SRRM2: variants seen among roughly 807,000 people sequenced by gnomAD.
The protein encoded by SRRM2 is serine/arginine repetitive matrix 2.
In SRRM2, 30 loss-of-function variants were observed where a neutral mutation model predicts 213.8. That is an observed-to-expected ratio of 0.14 (90% CI 0.10 to 0.19). SRRM2 has a LOEUF of 0.19. SRRM2 is among the 10% of genes least tolerant of loss of function. SRRM2 has a pLI of 1.00. For missense variants in SRRM2, 4,904 were observed against 3,647.0 expected (o/e 1.34, Z -8.88); for synonymous variants, 2,025 against 1,377.7 (o/e 1.47, Z -10.40).
Position 2,768,219 on chromosome 16 carries a change from A to G in SRRM2, c.7691A>G (p.Glu2564Gly). 1.9e-6 allele frequency: 3 copies of G among 1,595,072 alleles called. No homozygotes were observed. Among genetic ancestry groups the G allele is most frequent in the Non-Finnish European group, 2.6e-6 (3 of 1,170,264 alleles). The change falls in exon 11 of 15, where the codon GAG (glutamate) becomes GGG (glycine). Residue 2564 changes from glutamate (E) to glycine (G), a missense_variant. Physicochemically the swap from Glu to Gly is moderately conservative, Grantham distance 98. Transcript: ENST00000301740. Reference protein sequence around the residue: ...SSSGSSSSDSEGSSLPVQPEV... With the variant: ...SSSGSSSSDSGGSSLPVQPEV... The stretch of plus-strand genomic sequence containing the variant: ...TCTGGCTCCAGTTCTAGTGACTCAG[A>G]GGGCTCTAGCCTTCCTGTGCAACCT...
Position 2,752,970 on chromosome 16 carries a change from C to T in SRRM2, c.-32+124C>T, listed in dbSNP as rs943866004. The stretch of plus-strand genomic sequence containing the variant: ...TCCGCGCGCACGCGCGCTCGACGCC[C>T]TTCGCTGGCGCGGACGCCCTCGCCT... On this transcript the variant is annotated intron_variant, in intron 1 of 14. Transcript: ENST00000301740. 3.7e-3 allele frequency: 575 copies of T among 153,688 alleles called. 3 individuals carry two copies. The highest frequency in any genetic ancestry group is 5.1e-3 in the Non-Finnish European group (354 of 69,208). 9.5% of individuals were successfully genotyped at this position (153,688 alleles called of 1,614,324 possible).
chr16:2,758,199 C>T (rs542216025), intron 4 of SRRM2, among the ~76,000 whole-genome samples: 1 of 152,120 alleles, frequency 6.6e-6, no homozygotes, highest in East Asian at 1.9e-4. Flanking sequence ...TGTAGTGAGA[C>T]CCCATCTCTA....
chr16:2,760,615 T>C lies in SRRM2; in HGVS notation c.1032+116T>C, dbSNP rs185035406. On this transcript the variant is annotated intron_variant, in intron 10 of 14. Coordinates refer to ENST00000301740, the MANE Select transcript of SRRM2 (RefSeq NM_016333.4). ...TAAAATAAATAAATTCAGTTTTTTT[T>C]CCTGCATTTCTCTCCTAGTTCTCTT... is the stretch of plus-strand genomic sequence containing the variant. 2.6e-4 allele frequency: 324 copies of C among 1,231,932 alleles called. 1 individual carries two copies. Among genetic ancestry groups the C allele is most frequent in the Admixed American group, 2.0e-3 (86 of 43,470 alleles). The allele number at this position is 1,231,932 out of a possible 1,614,324, so 76.3% of individuals were successfully genotyped here. A position where few individuals can be genotyped will look rare whatever the true frequency, so the allele number is the denominator to read the frequency against.
Position 2,758,755 on chromosome 16 carries a change from C to T in SRRM2, c.593+208C>T, listed in dbSNP as rs1258368323. On this transcript the variant is annotated intron_variant, in intron 5 of 14. Coordinates refer to ENST00000301740, the MANE Select transcript of SRRM2 (RefSeq NM_016333.4). ...TGCAGTTCTGCTAATTAAGATTGGC[C>T]AGCAGCATTTTGGATTCTGGAATTT... 4.4e-6 allele frequency: 3 copies of T among 674,494 alleles called. No individual in the cohort carries two copies. The African/African-American group carries it at 5.5e-5, about 12-fold the overall frequency. The allele number at this position is 674,494 out of a possible 1,614,324, so 41.8% of individuals were successfully genotyped here. A position where few individuals can be genotyped will look rare whatever the true frequency, so the allele number is the denominator to read the frequency against.
chr16:2,770,020 GC>G (rs1022430571), intron 12 of SRRM2: 21 of 669,026 alleles, frequency 3.1e-5, no homozygotes, highest in Non-Finnish European at 4.9e-5. Flanking sequence ...TCCCTGCCTT[GC>G]CCCATGTCCC....
chr16:2,768,846 C>G, intron 11 of SRRM2, 151 bp from the exon 12 acceptor site: 1 of 1,495,408 alleles, frequency 6.7e-7, no homozygotes, highest in Non-Finnish European at 9.0e-7. Context: ...CGCACCACTG[C>G]TCTCCAGAGA....
At chr16:2,759,070 T>C in intron 6 of SRRM2, 23 bp downstream of exon 6, 2 of 1,614,200 alleles carry the variant, frequency 1.2e-6, no homozygotes, top group Non-Finnish European at 1.7e-6. Flanking sequence ...AATACTTGAA[T>C]GACTGGAGAA....
intron 1 of SRRM2, among the ~76,000 whole-genome samples, chr16:2,754,968 A>G (rs964141721): frequency 6.6e-6 from 1 of 152,174 alleles, no homozygotes. Context: ...TTTTCCAAAC[A>G]TTTGTATGAT....
intron 5 of SRRM2, chr16:2,758,763 T>C: frequency 1.5e-6 from 1 of 676,678 alleles, no homozygotes. Context: ...GCCAGCAGCA[T>C]TTTGGATTCT....
rs752774749 is a variant in SRRM2, at chr16:2,763,365, C to T, written c.2837C>T (p.Thr946Ile). ...PSPSRVTSRT[T>I]PRRSRSVSPC... ...CCTAGTAGGGTGACGTCGAGAACAACTCCACGGCGAAGCAGATCAGTATCT... is the reference window on the plus strand; with the variant it reads ...CCTAGTAGGGTGACGTCGAGAACAATTCCACGGCGAAGCAGATCAGTATCT... Residue 946 changes from threonine to isoleucine, a missense_variant, in exon 11 of 15, where the codon ACT becomes ATT. By Grantham distance (89) the Thr-to-Ile change is moderately conservative. Coordinates refer to ENST00000301740, the MANE Select transcript of SRRM2 (RefSeq NM_016333.4). 5.0e-6 allele frequency: 8 copies of T among 1,614,080 alleles called. No homozygotes were observed. The highest frequency in any genetic ancestry group is 1.3e-5 in the African/African-American group (1 of 74,908).
In SRRM2 at chr16:2,766,162, C is replaced by G; in HGVS notation, c.5634C>G (p.Ser1878=). Residue 1878 remains serine (S), a synonymous_variant, in exon 11 of 15, where the codon TCC becomes TCG. Transcript: ENST00000301740. The surrounding 1 kb of genome is among the most constrained non-coding windows in gnomAD (Gnocchi z 7.0). ...ASPATHRRSR[S]RTPLISRRRS... is the part of the protein sequence containing the mutation. The stretch of plus-strand genomic sequence containing the variant: ...CAGCCACTCACCGGCGATCCAGGTC[C>G]AGAACCCCCCTGATAAGCCGACGTA... 6.2e-7 allele frequency: 1 copy of G among 1,614,164 alleles called. No individual in the cohort carries two copies. Among genetic ancestry groups the G allele is most frequent in the South Asian group, 1.1e-5 (1 of 91,080 alleles).
In SRRM2 at chr16:2,760,273, C is replaced by T. The variant is rs186318727; in HGVS notation, c.834-28C>T. ...CTCCCTTTGAGCTGATTTCCTTCCT[C>T]TCCCACGTCCTCAATTAACTCCTGC... is the stretch of plus-strand genomic sequence containing the variant. On this transcript the variant is annotated intron_variant, in intron 9 of 14. Coordinates refer to ENST00000301740, the MANE Select transcript of SRRM2 (RefSeq NM_016333.4). 8.7e-6 allele frequency: 14 copies of T among 1,604,154 alleles called. No homozygotes were observed. In the African/African-American group the frequency reaches 1.2e-4, roughly 14 times the overall value.
rs1336917688 is a variant in SRRM2, at chr16:2,768,119, C to T, written c.7591C>T (p.Arg2531Trp). 1.9e-6 allele frequency: 3 copies of T among 1,614,162 alleles called. No individual in the cohort carries two copies. Among genetic ancestry groups the T allele is most frequent in the Admixed American group, 1.7e-5 (1 of 60,008 alleles). ...CGCCCTGCAGCCAGCAAAGGAGCGGCGGAGTTCCTCCTCGTCGTCGTCGTC... is the reference window on the plus strand; with the variant it reads ...CGCCCTGCAGCCAGCAAAGGAGCGGTGGAGTTCCTCCTCGTCGTCGTCGTC... Reference protein sequence around the residue: ...LAALQPAKERRSSSSSSSSSS... With the variant: ...LAALQPAKERWSSSSSSSSSS... Residue 2531 changes from arginine (R) to tryptophan (W), a missense_variant, in exon 11 of 15, where the codon CGG becomes TGG. Physicochemically the swap from Arg to Trp is moderately radical, Grantham distance 101 (BLOSUM62 -3). Coordinates refer to ENST00000301740, the MANE Select transcript of SRRM2 (RefSeq NM_016333.4).
chr16:2,761,510 G>A (rs754843752), intron 10 of SRRM2, 51 bp from the exon 11 acceptor site: 9 of 1,422,576 alleles, frequency 6.3e-6, no homozygotes, highest in Non-Finnish European at 8.3e-6. Flanking sequence ...GGGGTGATGT[G>A]AAGTTTTGGC....
rs749745739 is a variant in SRRM2 at position 2,764,798 on chromosome 16, TCTC to T, written c.4273_4275del (p.Pro1425del). On this transcript the variant is annotated inframe_deletion, in exon 11 of 15. Transcript: ENST00000301740. ...GAGAGAAAGAAGTAGTTCTGCATCTTCTCCTGAAATGAAAGATGGTTTACCCAG... is the reference window on the plus strand; with the variant it reads ...GAGAGAAAGAAGTAGTTCTGCATCTTCTGAAATGAAAGATGGTTTACCCAG... 3.0e-5 allele frequency: 48 copies of T among 1,614,142 alleles called. No individual in the cohort carries two copies. Among genetic ancestry groups the T allele is most frequent in the South Asian group, 4.4e-5 (4 of 91,078 alleles).
At chr16:2,769,542 T>G in intron 12 of SRRM2, 2 of 640,782 alleles carry the variant, frequency 3.1e-6, no homozygotes, top group East Asian at 2.8e-5. Flanking sequence ...ACATAGCCTG[T>G]TCCCAGGGTT....
rs753128718 is a variant in SRRM2 at position 2,762,434 on chromosome 16, C to T, written c.1906C>T (p.Arg636Cys). The T allele has an allele frequency of 8.7e-6, 14 of 1,613,850 alleles. No homozygotes were observed. Among genetic ancestry groups the T allele is most frequent in the South Asian group, 3.3e-5 (3 of 91,068 alleles). ...RTRSPVRRRSRSRSPARRSGR... is the reference protein window; with the variant it reads ...RTRSPVRRRSCSRSPARRSGR... ...CCGATCACCAGTACGACGCAGGTCTCGTAGTAGATCACCAGCCAGGAGAAG... is the reference window on the plus strand; with the variant it reads ...CCGATCACCAGTACGACGCAGGTCTTGTAGTAGATCACCAGCCAGGAGAAG... Residue 636 changes from arginine (R) to cysteine (C), a missense_variant, in exon 11 of 15, where the codon CGT becomes TGT. By Grantham distance (180) the Arg-to-Cys change is radical (BLOSUM62 -3). Transcript: ENST00000301740.
In SRRM2 at chr16:2,767,970, C is replaced by T; in HGVS notation, c.7442C>T (p.Ala2481Val). The change falls in exon 11 of 15, where the codon GCA (alanine) becomes GTA (valine). Residue 2481 changes from alanine to valine, a missense_variant. Coordinates refer to ENST00000301740, the MANE Select transcript of SRRM2 (RefSeq NM_016333.4). ...GSQSLSSGAV[A>V]TTTSSAGDHN... is the part of the protein sequence containing the mutation. ...CAGTCCCTTTCCTCTGGGGCAGTGGCAACGACCACGTCCTCTGCTGGTGAT... is the reference window on the plus strand; with the variant it reads ...CAGTCCCTTTCCTCTGGGGCAGTGGTAACGACCACGTCCTCTGCTGGTGAT... The T allele has an allele frequency of 1.2e-6, 2 of 1,614,158 alleles. No homozygotes were observed. Among genetic ancestry groups the T allele is most frequent in the Non-Finnish European group, 1.7e-6 (2 of 1,180,028 alleles).
At chr16:2,755,972 G>A (rs1315073824) in intron 1 of SRRM2, among the ~76,000 whole-genome samples, 1 of 152,128 alleles carries the variant, frequency 6.6e-6, no homozygotes, top group Admixed American at 6.6e-5. Context: ...GTGCATTTTG[G>A]GGCCAAAGGA....
Sources: allele counts gnomAD v4.1 joint callset (sites outside exome capture counted in the v4.1 genomes callset), GRCh38; gene constraint gnomAD v4.1.1; non-coding constraint Gnocchi (gnomAD v3.1); transcripts MANE v1.5; gene names NCBI Gene and HGNC (gene_info 2026-07-23, HGNC 2026-07-21).